GMEB1: variants seen among roughly 807,000 people sequenced by gnomAD.
The protein encoded by GMEB1 is glucocorticoid modulatory element-binding protein 1.
A neutral mutation model predicts 52.4 loss-of-function variants in GMEB1; 6 were observed. That is an observed-to-expected ratio of 0.11 (90% CI 0.06 to 0.23). The LOEUF is 0.23. GMEB1 is among the 10% of genes least tolerant of loss of function. The pLI, the probability that GMEB1 is intolerant of heterozygous loss-of-function variation, is 1.00. For synonymous variants in GMEB1, 255 were observed against 244.9 expected (o/e 1.04, Z -0.38); for missense variants, 486 against 685.6 (o/e 0.71, Z 3.25).
At chr1:28,693,085 T>G in intron 5 of GMEB1, 40 bp downstream of exon 5, 1 of 994,484 alleles carries the variant, frequency 1.0e-6, no homozygotes, top group Non-Finnish European at 1.5e-6. Context: ...CAACAAACTT[T>G]GGGGCACATA....
chr1:28,673,680 CA>C (rs1313054897), intron 1 of GMEB1, among the ~76,000 whole-genome samples: 1 of 152,152 alleles, frequency 6.6e-6, no homozygotes, highest in Non-Finnish European at 1.5e-5. Context: ...GCTATATAAG[CA>C]GCGATGTGCT....
At chr1:28,669,158 T>C (rs1668760508) in intron 1 of GMEB1, among the ~76,000 whole-genome samples, 1 of 148,504 alleles carries the variant, frequency 6.7e-6, no homozygotes, top group South Asian at 2.1e-4. Flanking sequence ...AGTCCACCAC[T>C]GGGGGGGCCC....
At chr1:28,702,626 A>T (rs1670570724) in intron 7 of GMEB1, 57 bp downstream of exon 7, 3 of 1,507,782 alleles carry the variant, frequency 2.0e-6, no homozygotes, top group East Asian at 2.3e-5. Context: ...TATCACCATT[A>T]TCATTATGGA....
chr1:28,700,214 A>G (rs1182745286), intron 6 of GMEB1, among the ~76,000 whole-genome samples: 4 of 151,848 alleles, frequency 2.6e-5, no homozygotes, highest in African/African-American at 9.7e-5. Flanking sequence ...CTAAAAATAT[A>G]AAAATTAGCT....
At chr1:28,696,631 A>G (rs896383841) in intron 5 of GMEB1, among the ~76,000 whole-genome samples, 1 of 152,074 alleles carries the variant, frequency 6.6e-6, no homozygotes, top group Non-Finnish European at 1.5e-5. Flanking sequence ...CTGTATTCCT[A>G]GGAGAGTTTT....
chr1:28,695,696 T>G (rs1240058407), intron 5 of GMEB1, among the ~76,000 whole-genome samples: 4 of 149,030 alleles, frequency 2.7e-5, no homozygotes, highest in Admixed American at 6.7e-5. Flanking sequence ...CCCAGCACTT[T>G]GGGAGGCCGA....
chr1:28,695,774 TA>T (rs1314313042), intron 5 of GMEB1, among the ~76,000 whole-genome samples: 180 of 144,032 alleles, frequency 1.2e-3, no homozygotes, highest in Non-Finnish European at 2.0e-3. Context: ...CCGTCTCTAC[TA>T]AAAAATACAA....
Position 28,683,686 on chromosome 1 carries a change from A to G in GMEB1, c.74A>G (p.Asn25Ser). ...VVPTEGNEGE[N>S]PEDTKTQVIL... ...CCTACTGAAGGAAATGAAGGGGAGA[A>G]TCCTGAAGACACTAAAACCCAAGTG... Residue 25 changes from asparagine (N) to serine (S), a missense_variant, in exon 2 of 10, where the codon AAT becomes AGT. Physicochemically the swap from Asn to Ser is conservative, Grantham distance 46. This residue lies in a region of GMEB1 where 88 missense variants were observed against 96.5 expected (regional missense o/e 0.91). Coordinates refer to ENST00000373816, the MANE Select transcript of GMEB1 (RefSeq NM_001319674.2). The G allele has an allele frequency of 6.2e-7, 1 of 1,612,312 alleles. No individual in the cohort carries two copies. Among genetic ancestry groups the G allele is most frequent in the South Asian group, 1.1e-5 (1 of 90,636 alleles).
rs1670559825 is a variant in GMEB1, at chr1:28,702,424, T to A, written c.599-14T>A. 1 of 1,612,018 alleles carries A rather than the reference T, an allele frequency of 6.2e-7. No individual in the cohort carries two copies. Among genetic ancestry groups the A allele is most frequent in the African/African-American group, 1.3e-5 (1 of 74,890 alleles). On this transcript the variant is annotated splice_polypyrimidine_tract_variant and intron_variant, in intron 6 of 9. Coordinates refer to ENST00000373816, the MANE Select transcript of GMEB1 (RefSeq NM_001319674.2). ...TTAAATTCACTGTTCTCACCTCTAC[T>A]GGACTGTTTTTAGGTAGCATCACGC...
chr1:28,691,336 A>G (rs1245899166), intron 3 of GMEB1, among the ~76,000 whole-genome samples: 1 of 152,036 alleles, frequency 6.6e-6, no homozygotes, highest in Non-Finnish European at 1.5e-5. Flanking sequence ...GGAAACAATC[A>G]TTGCCTCACA....
chr1:28,710,526 C>A lies in GMEB1; in HGVS notation c.875C>A (p.Ala292Asp). ...TGTCTTTTGTTTTAAATAGATGCTG[C>A]TGTTCTCAACAATGTAGCACACACA... ...IQAPFQVTDAAVLNNVAHTFG... is the reference protein window; with the variant it reads ...IQAPFQVTDADVLNNVAHTFG... The change falls in exon 9 of 10, where the codon GCT becomes GAT. Residue 292 changes from alanine (A) to aspartate (D), a missense_variant. Physicochemically the swap from Ala to Asp is moderately radical, Grantham distance 126. This residue lies in a region of GMEB1 where 200 missense variants were observed against 253.5 expected (regional missense o/e 0.79). Coordinates refer to ENST00000373816, the MANE Select transcript of GMEB1 (RefSeq NM_001319674.2). 1 of 1,601,564 alleles carries A rather than the reference C, an allele frequency of 6.2e-7. No individual in the cohort carries two copies. The highest frequency in any genetic ancestry group is 1.7e-5 in the Admixed American group (1 of 57,402).
chr1:28,674,181 A>G (rs1669034238), intron 1 of GMEB1, among the ~76,000 whole-genome samples: 2 of 150,828 alleles, frequency 1.3e-5, no homozygotes, highest in Non-Finnish European at 3.0e-5. Flanking sequence ...GAAAAAAAGG[A>G]AAACAGAAAT....
At chr1:28,673,261 T>C (rs913310363) in intron 1 of GMEB1, among the ~76,000 whole-genome samples, 1 of 151,468 alleles carries the variant, frequency 6.6e-6, no homozygotes, top group Admixed American at 6.6e-5. Context: ...TTGTCCATTT[T>C]TCGTTTGTTT....
chr1:28,701,224 T>C (rs1337163381), intron 6 of GMEB1, among the ~76,000 whole-genome samples: 1 of 151,696 alleles, frequency 6.6e-6, no homozygotes, highest in Admixed American at 6.6e-5. Flanking sequence ...TATTGCTGTT[T>C]GGATCAGTTT....
chr1:28,669,885 C>T (rs1390260332), intron 1 of GMEB1, among the ~76,000 whole-genome samples: 2 of 152,086 alleles, frequency 1.3e-5, no homozygotes, highest in Non-Finnish European at 2.9e-5. Flanking sequence ...AATCTCAACC[C>T]GAGGGTCTTT....
intron 1 of GMEB1, among the ~76,000 whole-genome samples, chr1:28,682,944 C>T (rs1570391549): frequency 6.6e-6 from 1 of 152,154 alleles, no homozygotes; most frequent in East Asian, 1.9e-4. Context: ...TCGCTGATTT[C>T]AAGCTGTCAA....
In GMEB1 at chr1:28,714,847, A is replaced by C; in HGVS notation, c.*74A>C. On this transcript the variant is annotated 3_prime_UTR_variant, in exon 10 of 10. Coordinates refer to ENST00000373816, the MANE Select transcript of GMEB1 (RefSeq NM_001319674.2). Reference sequence around the variant, plus strand: ...ATTTGTTTATTTTTATCATTGTCCCACTCATTTCCACATAGGACCCTTTTT... The same window carrying C: ...ATTTGTTTATTTTTATCATTGTCCCCCTCATTTCCACATAGGACCCTTTTT... The C allele has an allele frequency of 2.0e-6, 2 of 997,678 alleles. No individual in the cohort carries two copies. Among genetic ancestry groups the C allele is most frequent in the Non-Finnish European group, 1.5e-6 (1 of 671,922 alleles). The allele number at this position is 997,678 out of a possible 1,614,324, so 61.8% of individuals were successfully genotyped here. A position where few individuals can be genotyped will look rare whatever the true frequency, so the allele number is the denominator to read the frequency against.
At chr1:28,694,434 T>C (rs929471151) in intron 5 of GMEB1, among the ~76,000 whole-genome samples, 1 of 150,940 alleles carries the variant, frequency 6.6e-6, no homozygotes, top group African/African-American at 2.4e-5. Flanking sequence ...GACCTCCTGA[T>C]CCACCCGCCT....
intron 5 of GMEB1, among the ~76,000 whole-genome samples, chr1:28,693,380 G>T: frequency 6.6e-6 from 1 of 151,268 alleles, no homozygotes. Flanking sequence ...ACCACGCCCA[G>T]CTAATTTTTT....
Sources: allele counts gnomAD v4.1 joint callset (sites outside exome capture counted in the v4.1 genomes callset), GRCh38; gene constraint gnomAD v4.1.1; regional missense constraint gnomAD v4.1.1; transcripts MANE v1.5; gene names NCBI Gene and HGNC (gene_info 2026-07-23, HGNC 2026-07-21).